Variants in LDLRAD3 observed in about 807,000 individuals in gnomAD.
LDLRAD3 encodes the protein low-density lipoprotein receptor class A domain-containing protein 3.
A neutral mutation model predicts 29.4 loss-of-function variants in LDLRAD3; 20 were observed. The ratio of observed to expected loss-of-function variants is 0.68; its 90% CI spans 0.48 to 0.99. The LOEUF is 0.99. Ranked by LOEUF, LDLRAD3 falls within the 50% of genes least tolerant of loss-of-function variation. The pLI is 0.00. For synonymous variants in LDLRAD3, 157 were observed against 192.7 expected, an observed-to-expected ratio of 0.81 and a Z score of 1.53; for missense variants, 420 against 454.3, an observed-to-expected ratio of 0.92 and a Z score of 0.69.
Position 36,130,759 on chromosome 11 carries a change from T to C in LDLRAD3, c.454+32298T>C, listed in dbSNP as rs1183140813. Among the ~76,000 whole-genome samples, 7 of 152,264 alleles carry C rather than the reference T, an allele frequency of 4.6e-5. No individual in the cohort carries two copies. In the East Asian group the frequency reaches 1.4e-3, roughly 29 times the overall value. On this transcript the variant is annotated intron_variant, in intron 4 of 5. Transcript: ENST00000315571. Reference sequence around the variant, plus strand: ...ACAGCAGCTGGTTGAGGAGCTATTATCATCATCCCCACTTGGCAGTGGTAG... The same window carrying C: ...ACAGCAGCTGGTTGAGGAGCTATTACCATCATCCCCACTTGGCAGTGGTAG...
At chr11:36,027,618 T>C (rs1852184816) in intron 1 of LDLRAD3, among the ~76,000 whole-genome samples, 1 of 152,252 alleles carries the variant, frequency 6.6e-6, no homozygotes, top group Non-Finnish European at 1.5e-5. Context: ...CTGGCCTTAT[T>C]GCTTAGTTGG....
At chr11:35,994,709 C>A (rs1270118746) in intron 1 of LDLRAD3, among the ~76,000 whole-genome samples, 1 of 152,218 alleles carries the variant, frequency 6.6e-6, no homozygotes, top group Non-Finnish European at 1.5e-5. Context: ...CAACTTCTTT[C>A]AAAATTGGAG....
chr11:36,125,838 T>A (rs1853828412), intron 4 of LDLRAD3, among the ~76,000 whole-genome samples: 1 of 152,206 alleles, frequency 6.6e-6, no homozygotes, highest in South Asian at 2.1e-4. Flanking sequence ...TCAAGCCACA[T>A]GGAGGGTGTG....
chr11:35,987,201 C>T (rs1851626146), intron 1 of LDLRAD3, among the ~76,000 whole-genome samples: 2 of 152,208 alleles, frequency 1.3e-5, no homozygotes, highest in Non-Finnish European at 2.9e-5. Context: ...GTATATCTTG[C>T]TGGCAAGAAA....
chr11:36,045,185 A>G (rs1371183254), intron 2 of LDLRAD3, among the ~76,000 whole-genome samples: 1 of 152,130 alleles, frequency 6.6e-6, no homozygotes, highest in Non-Finnish European at 1.5e-5. Flanking sequence ...TCTGATAAGC[A>G]CCCACCTACA....
chr11:36,197,411 C>T (rs1157261853), intron 4 of LDLRAD3: 3 of 152,128 alleles, frequency 2.0e-5, no homozygotes, highest in Admixed American at 6.6e-5. Context: ...AGCATGGATT[C>T]GAGAGTCCAA....
intron 4 of LDLRAD3, among the ~76,000 whole-genome samples, chr11:36,209,924 A>G (rs983299559): frequency 6.6e-6 from 1 of 152,244 alleles, no homozygotes; most frequent in Non-Finnish European, 1.5e-5. Flanking sequence ...AAACTGAACA[A>G]AATAAATGGG....
intron 4 of LDLRAD3, among the ~76,000 whole-genome samples, chr11:36,207,723 G>A (rs1855229969): frequency 6.6e-6 from 1 of 152,116 alleles, no homozygotes. Flanking sequence ...CAACTCACGG[G>A]AAAGGGATCA....
At chr11:35,982,855 T>C (rs1851559768) in intron 1 of LDLRAD3, among the ~76,000 whole-genome samples, 1 of 145,400 alleles carries the variant, frequency 6.9e-6, no homozygotes, top group Non-Finnish European at 1.5e-5. Flanking sequence ...CTGCTTTTTT[T>C]TTTTTTTTTT....
At chr11:36,072,224 AG>A (rs1386837459) in intron 2 of LDLRAD3, among the ~76,000 whole-genome samples, 1 of 152,220 alleles carries the variant, frequency 6.6e-6, no homozygotes, top group African/African-American at 2.4e-5. Context: ...CAGCTACAGC[AG>A]GAGCTGTTTC....
chr11:36,132,584 G>A (rs1008733035), intron 4 of LDLRAD3, among the ~76,000 whole-genome samples: 2 of 152,222 alleles, frequency 1.3e-5, no homozygotes, highest in African/African-American at 2.4e-5. Flanking sequence ...AGGTCACAAA[G>A]CCACAGTAAA....
chr11:36,195,499 C>A (rs1376296923), intron 4 of LDLRAD3, among the ~76,000 whole-genome samples: 1 of 152,104 alleles, frequency 6.6e-6, no homozygotes, highest in Non-Finnish European at 1.5e-5. Flanking sequence ...GAAGTCCCAC[C>A]GTCTAATTCC....
chr11:36,061,389 C>T (rs1256254265), intron 2 of LDLRAD3, among the ~76,000 whole-genome samples: 2 of 152,186 alleles, frequency 1.3e-5, no homozygotes, highest in Non-Finnish European at 2.9e-5. Context: ...GATCTGCCTG[C>T]CTTGGCCTCC....
chr11:36,164,894 A>C (rs897796325), intron 4 of LDLRAD3, among the ~76,000 whole-genome samples: 3 of 152,206 alleles, frequency 2.0e-5, no homozygotes, highest in Non-Finnish European at 2.9e-5. Flanking sequence ...GTTGAAAGAG[A>C]TATCTTTTAG....
intron 3 of LDLRAD3, among the ~76,000 whole-genome samples, chr11:36,095,786 TCTTGGAGCACTTAGAATGC>T (rs1333631429): frequency 6.6e-5 from 10 of 152,136 alleles, no homozygotes; most frequent in African/African-American, 2.4e-4. Context: ...GAACGCCCCG[TCTTGGAGCACTTAGAATGC>T]CTTTCCCAGG....
At chr11:36,147,862 TTTTTTA>T (rs1374013538) in intron 4 of LDLRAD3, among the ~76,000 whole-genome samples, 3 of 152,080 alleles carry the variant, frequency 2.0e-5, no homozygotes, top group Admixed American at 6.6e-5. Flanking sequence ...CCATTAGTTG[TTTTTTA>T]TTTTTATTTT....
At chr11:36,140,992 T>TTCTCTCTC (rs557939353) in intron 4 of LDLRAD3, among the ~76,000 whole-genome samples, 8,998 of 109,842 alleles carry the variant, frequency 0.082, 847 homozygotes, top group East Asian at 0.16. Flanking sequence ...CTGTTGAGCT[T>TTCTCTCTC]TCTCTCTCTC....
At chr11:36,108,918 G>T (rs1853569425) in intron 4 of LDLRAD3, among the ~76,000 whole-genome samples, 1 of 152,088 alleles carries the variant, frequency 6.6e-6, no homozygotes, top group Admixed American at 6.5e-5. Flanking sequence ...GTAGGGTGGG[G>T]TTAGTGGGTG....
chr11:36,191,576 C>CTATATATATA (rs71310173), intron 4 of LDLRAD3, among the ~76,000 whole-genome samples: 32 of 53,402 alleles, frequency 6.0e-4, no homozygotes, highest in African/African-American at 1.9e-3. Flanking sequence ...CTCTCTCTCT[C>CTATATATATA]TATATATATA....
Sources: allele counts gnomAD v4.1 joint callset (sites outside exome capture counted in the v4.1 genomes callset), GRCh38; gene constraint gnomAD v4.1.1; transcripts MANE v1.5; gene names NCBI Gene and HGNC (gene_info 2026-07-23, HGNC 2026-07-21).